The following USH2A variants were observed in gnomAD, a reference collection of about 807,000 sequenced individuals.
USH2A encodes Usher syndrome 2A (autosomal recessive, mild).
USH2A carries 443 observed loss-of-function variants against 538.9 expected under a neutral mutation model. The ratio of observed to expected loss-of-function variants is 0.82; its 90% CI spans 0.76 to 0.89. USH2A has a LOEUF of 0.89. Ranked by LOEUF, USH2A falls within the 40% of genes least tolerant of loss-of-function variation. The pLI is 0.00. For synonymous variants in USH2A, 2,413 were observed against 2,273.5 expected (o/e 1.06, Z -1.75); for missense variants, 6,633 against 6,324.8 (o/e 1.05, Z -1.65).
rs547497252 is a variant in USH2A at position 215,786,843 on chromosome 1, G to T, written c.10214C>A (p.Ala3405Glu). 1.9e-6 allele frequency: 3 copies of T among 1,613,926 alleles called. No individual in the cohort carries two copies. Among genetic ancestry groups the T allele is most frequent in the East Asian group, 4.5e-5 (2 of 44,870 alleles). ...ACAATGTTCTGTGGCTTCCATAGATGCTGGGCAGAGGATCCTGCACTCTTT... is the reference window on the plus strand; with the variant it reads ...ACAATGTTCTGTGGCTTCCATAGATTCTGGGCAGAGGATCCTGCACTCTTT... ...ETKECRILCP[A>E]SMEATEHCGR... Residue 3405 changes from alanine (A) to glutamate (E), a missense_variant, in exon 52 of 72, where the codon GCA becomes GAA. Coordinates refer to ENST00000307340, the MANE Select transcript of USH2A (RefSeq NM_206933.4).
chr1:216,091,349 A>T (rs1250999662), intron 22 of USH2A, among the ~76,000 whole-genome samples: 3 of 152,238 alleles, frequency 2.0e-5, no homozygotes, highest in African/African-American at 7.2e-5. Context: ...AGGGATAAAC[A>T]TAGATCATTA....
intron 62 of USH2A, among the ~76,000 whole-genome samples, chr1:215,677,995 G>A (rs143081162): frequency 3.3e-5 from 5 of 152,104 alleles, no homozygotes; most frequent in South Asian, 2.1e-4. Context: ...ATCTCAAAGC[G>A]CTCCCTTTCC....
At chr1:216,121,679 T>G (rs2102594911) in intron 21 of USH2A, among the ~76,000 whole-genome samples, 1 of 152,338 alleles carries the variant, frequency 6.6e-6, no homozygotes, top group East Asian at 1.9e-4. Flanking sequence ...GAGCTCTTCA[T>G]GATTAATCTC....
Position 216,026,838 on chromosome 1 carries a change from G to A in USH2A, c.6325+19593C>T, listed in dbSNP as rs185856237. Among the ~76,000 whole-genome samples, 40 of 152,248 alleles carry A rather than the reference G, an allele frequency of 2.6e-4. No homozygotes were observed. The East Asian group carries it at 4.1e-3, about 15-fold the overall frequency. On this transcript the variant is annotated intron_variant, in intron 32 of 71. Transcript: ENST00000307340. ...ACTGTTAAACCACATATGTCTACAA[G>A]CACCAGGTCAATTCATAGTCAGATG...
At chr1:215,697,331 C>T (rs1210979409) in intron 61 of USH2A, among the ~76,000 whole-genome samples, 1 of 152,064 alleles carries the variant, frequency 6.6e-6, no homozygotes, top group East Asian at 1.9e-4. Flanking sequence ...GGAAAGACCC[C>T]TCCTCTTGGC....
intron 58 of USH2A, among the ~76,000 whole-genome samples, chr1:215,758,082 G>A (rs1490673657): frequency 6.6e-6 from 1 of 151,944 alleles, no homozygotes; most frequent in Non-Finnish European, 1.5e-5. Context: ...TCTGGAGTTC[G>A]AGACCAGCCT....
At chr1:215,646,143 T>A (rs1656845367) in intron 67 of USH2A, among the ~76,000 whole-genome samples, 1 of 152,130 alleles carries the variant, frequency 6.6e-6, no homozygotes, top group Non-Finnish European at 1.5e-5. Flanking sequence ...AAAATATTAG[T>A]AGTGGTTGCC....
chr1:216,216,271 T>G (rs114626227), intron 15 of USH2A, among the ~76,000 whole-genome samples: 37 of 152,264 alleles, frequency 2.4e-4, no homozygotes, highest in South Asian at 1.5e-3. Flanking sequence ...GTTTTACTTA[T>G]ACTGAAATCC....
intron 44 of USH2A, among the ~76,000 whole-genome samples, chr1:215,851,512 G>C (rs1664013530): frequency 6.6e-6 from 1 of 152,064 alleles, no homozygotes; most frequent in African/African-American, 2.4e-5. Context: ...ACTCTGAACA[G>C]ACCAATAACA....
chr1:216,421,411 A>G (rs1338774009), intron 2 of USH2A, among the ~76,000 whole-genome samples: 1 of 152,168 alleles, frequency 6.6e-6, no homozygotes, highest in Non-Finnish European at 1.5e-5. Flanking sequence ...TGAAGAAAAC[A>G]GTCCCAAGGA....
chr1:216,210,547 C>T (rs531151067), intron 15 of USH2A, among the ~76,000 whole-genome samples: 74 of 152,232 alleles, frequency 4.9e-4, no homozygotes, highest in East Asian at 2.3e-3. Context: ...TTCTTCTTCC[C>T]CATGTTACCC....
At position 216,327,619 on chromosome 1, in the gene USH2A, G is replaced by A. The variant is rs397518036; in HGVS notation, c.820C>T (p.Arg274Ter). ...TTTGTAAGTGCCACTTGGTATAATCGAAAATCTTGCATTCTTCCGACAAAC... is the reference window on the plus strand; with the variant it reads ...TTTGTAAGTGCCACTTGGTATAATCAAAAATCTTGCATTCTTCCGACAAAC... ...EQFVGRMQDF[R>*]LYQVALTNRE... The change falls in exon 5 of 72, where the codon CGA becomes TGA. Residue 274 changes from arginine (R) to a stop codon, truncating the protein, a stop_gained. Transcript: ENST00000307340. LOFTEE classifies it high-confidence loss of function. 5 of 1,613,154 alleles carry A rather than the reference G, an allele frequency of 3.1e-6. No individual in the cohort carries two copies. Among genetic ancestry groups the A allele is most frequent in the South Asian group, 1.1e-5 (1 of 91,064 alleles).
chr1:216,377,070 A>T lies in USH2A; in HGVS notation c.652-11985T>A, dbSNP rs1462694620. On this transcript the variant is annotated intron_variant, in intron 3 of 71. Transcript: ENST00000307340. ...TTAGATTTTTTCAGCTCCAGTAGAC[A>T]GTACTGAGCAAAATTTATTAAAAAT... Among the ~76,000 whole-genome samples the T allele has an allele frequency of 2.0e-5, 3 of 152,338 alleles. No homozygotes were observed. The East Asian group carries it at 5.8e-4, about 29-fold the overall frequency.
intron 49 of USH2A, among the ~76,000 whole-genome samples, chr1:215,807,135 G>C (rs1662527933): frequency 6.6e-6 from 1 of 152,044 alleles, no homozygotes; most frequent in African/African-American, 2.4e-5. Context: ...GTCATTGCTG[G>C]CCTGGAAAAT....
At chr1:215,665,872 A>G (rs1421586042) in intron 64 of USH2A, among the ~76,000 whole-genome samples, 1 of 152,272 alleles carries the variant, frequency 6.6e-6, no homozygotes, top group East Asian at 1.9e-4. Flanking sequence ...AATTTTATTT[A>G]GTACAGATGC....
intron 27 of USH2A, among the ~76,000 whole-genome samples, chr1:216,077,664 AT>A (rs2031796611): frequency 6.8e-6 from 1 of 146,590 alleles, no homozygotes; most frequent in Non-Finnish European, 1.5e-5. Flanking sequence ...TTAAATAAAT[AT>A]ATAAATTACT....
intron 14 of USH2A, 36 bp downstream of exon 14, chr1:216,231,913 TAAAG>T (rs1249311706): frequency 1.2e-6 from 2 of 1,612,964 alleles, no homozygotes; most frequent in Non-Finnish European, 1.7e-6. Flanking sequence ...TAACTGTTGC[TAAAG>T]AAAGAGTTAA....
chr1:216,035,609 A>G (rs1271937720), intron 32 of USH2A, among the ~76,000 whole-genome samples: 1 of 152,168 alleles, frequency 6.6e-6, no homozygotes, highest in Non-Finnish European at 1.5e-5. Context: ...TGAGCAACAA[A>G]TATTTGTATA....
intron 30 of USH2A, among the ~76,000 whole-genome samples, chr1:216,060,484 A>C (rs185208943): frequency 2.7e-3 from 417 of 152,314 alleles, no homozygotes; most frequent in Middle Eastern, 0.01. Context: ...ATAAATTAAA[A>C]TGTCTTTTTC....
Sources: allele counts gnomAD v4.1 joint callset (sites outside exome capture counted in the v4.1 genomes callset), GRCh38; gene constraint gnomAD v4.1.1; transcripts MANE v1.5; gene names NCBI Gene and HGNC (gene_info 2026-07-23, HGNC 2026-07-21).